The following CNBD1 variants were observed in gnomAD, a reference collection of about 807,000 sequenced individuals.
CNBD1 encodes the protein cyclic nucleotide binding domain containing 1.
CNBD1 carries 71 observed loss-of-function variants against 54.4 expected under a neutral mutation model. The ratio of observed to expected loss-of-function variants is 1.30; its 90% CI spans 1.08 to 1.59. The LOEUF (loss-of-function observed/expected upper bound fraction) is 1.59. CNBD1 is among the 40% of genes most tolerant of loss of function. The pLI is 0.00. For synonymous variants in CNBD1, 182 were observed against 170.7 expected, an observed-to-expected ratio of 1.07 and a Z score of -0.51; for missense variants, 659 against 518.0, an observed-to-expected ratio of 1.27 and a Z score of -2.64.
intron 4 of CNBD1, among the ~76,000 whole-genome samples, chr8:86,965,656 C>T (rs1341619760): frequency 6.6e-6 from 1 of 152,054 alleles, no homozygotes; most frequent in African/African-American, 2.4e-5. Context: ...GTTACGGGAT[C>T]TTTGGGGGGT....
At chr8:87,075,840 A>G (rs542642480) in intron 4 of CNBD1, among the ~76,000 whole-genome samples, 23 of 152,310 alleles carry the variant, frequency 1.5e-4, no homozygotes, top group Non-Finnish European at 2.9e-4. Flanking sequence ...TGAGGTGAGC[A>G]ATGGTGCCTA....
At position 87,378,405 on chromosome 8, in the gene CNBD1, T is replaced by C. The variant is rs894940052; in HGVS notation, c.1304-4215T>C. Among the ~76,000 whole-genome samples the C allele has an allele frequency of 1.3e-4, 20 of 150,642 alleles. 1 individual carries two copies. The highest frequency in any genetic ancestry group is 4.7e-4 in the African/African-American group (19 of 40,230). On this transcript the variant is annotated intron_variant, in intron 10 of 10. Transcript: ENST00000518476. ...AGTTTTCCCAGCACCATTTATTAAA[T>C]AGGGAATCCTTTCCCCATTTCTTGT...
intron 6 of CNBD1, among the ~76,000 whole-genome samples, chr8:87,242,190 A>T (rs1769088547): frequency 6.6e-6 from 1 of 152,190 alleles, no homozygotes. Context: ...GAAGTATTTT[A>T]CCCCAAAATA....
chr8:86,927,439 A>C (rs12676837), intron 3 of CNBD1, among the ~76,000 whole-genome samples: 2 of 151,714 alleles, frequency 1.3e-5, no homozygotes, highest in Admixed American at 6.6e-5. Context: ...CCTGAGAAGC[A>C]GACAAGCTGT....
intron 4 of CNBD1, among the ~76,000 whole-genome samples, chr8:87,022,648 T>C (rs1809514022): frequency 6.6e-6 from 1 of 152,196 alleles, no homozygotes; most frequent in Admixed American, 6.5e-5. Flanking sequence ...TCCAATTGCG[T>C]ACACATTTAT....
intron 1 of CNBD1, among the ~76,000 whole-genome samples, chr8:86,881,451 C>G (rs1037999674): frequency 9.9e-5 from 15 of 152,104 alleles, no homozygotes; most frequent in African/African-American, 3.6e-4. Context: ...CCTAGGAATA[C>G]AGCTAACAAG....
intron 10 of CNBD1, among the ~76,000 whole-genome samples, chr8:87,371,616 G>A (rs185776280): frequency 0.016 from 2,357 of 152,010 alleles, 60 homozygotes; most frequent in African/African-American, 0.051. Flanking sequence ...GAATCCAGCA[G>A]CACATCAAAA....
At chr8:87,354,794 C>T (rs111937196) in intron 10 of CNBD1, among the ~76,000 whole-genome samples, 3,760 of 152,146 alleles carry the variant, frequency 0.025, 153 homozygotes, top group African/African-American at 0.08. Flanking sequence ...ATTTTCTTAA[C>T]CCAGTCTATC....
At chr8:87,231,261 T>C (rs1464095567) in intron 5 of CNBD1, among the ~76,000 whole-genome samples, 1 of 152,166 alleles carries the variant, frequency 6.6e-6, no homozygotes, top group Non-Finnish European at 1.5e-5. Flanking sequence ...TAACTGAAAA[T>C]GTCACATGCT....
intron 4 of CNBD1, among the ~76,000 whole-genome samples, chr8:86,993,603 G>T (rs1405875226): frequency 6.6e-6 from 1 of 152,174 alleles, no homozygotes; most frequent in African/African-American, 2.4e-5. Context: ...TTACTGTGGT[G>T]TAATTTGAGT....
intron 4 of CNBD1, among the ~76,000 whole-genome samples, chr8:87,069,764 T>C (rs1226157727): frequency 6.6e-6 from 1 of 152,116 alleles, no homozygotes; most frequent in Admixed American, 6.6e-5. Context: ...TTCTGTAATT[T>C]AGCATTTTAG....
intron 8 of CNBD1, among the ~76,000 whole-genome samples, chr8:87,350,402 T>A (rs1371871099): frequency 1.3e-5 from 2 of 151,988 alleles, no homozygotes; most frequent in Non-Finnish European, 2.9e-5. Flanking sequence ...CTCATAATTA[T>A]GCCAACAAAA....
intron 2 of CNBD1, among the ~76,000 whole-genome samples, chr8:87,413,437 T>C (rs1807781352): frequency 6.6e-6 from 1 of 152,128 alleles, no homozygotes; most frequent in Admixed American, 6.6e-5. Flanking sequence ...TTTAATACTA[T>C]GACTCAATTA....
Position 87,371,087 on chromosome 8 carries a change from A to G in CNBD1, c.1304-11533A>G, listed in dbSNP as rs562468030. On this transcript the variant is annotated intron_variant, in intron 10 of 10. Coordinates refer to ENST00000518476, the MANE Select transcript of CNBD1 (RefSeq NM_173538.3). Reference sequence around the variant, plus strand: ...GCTGTGTTCTGTTCCATTGATCTATATCTCTGTTTTGGTACCAGTACCATG... The same window carrying G: ...GCTGTGTTCTGTTCCATTGATCTATGTCTCTGTTTTGGTACCAGTACCATG... Among the ~76,000 whole-genome samples the G allele has an allele frequency of 3.4e-3, 510 of 151,010 alleles. 8 individuals carry two copies. Among genetic ancestry groups the G allele is most frequent in the African/African-American group, 0.011 (441 of 40,738 alleles).
intron 6 of CNBD1, among the ~76,000 whole-genome samples, chr8:87,276,336 C>G (rs1206555443): frequency 6.6e-6 from 1 of 151,732 alleles, no homozygotes; most frequent in Admixed American, 6.6e-5. Flanking sequence ...GAGATTCAGG[C>G]TCTTGAGGAC....
At chr8:87,108,123 G>A (rs1379735720) in intron 4 of CNBD1, among the ~76,000 whole-genome samples, 5 of 152,088 alleles carry the variant, frequency 3.3e-5, no homozygotes, top group African/African-American at 1.2e-4. Context: ...GTTCCTGACA[G>A]CTGTATATCA....
intron 4 of CNBD1, among the ~76,000 whole-genome samples, chr8:87,034,598 T>A (rs776937692): frequency 6.6e-6 from 1 of 152,216 alleles, no homozygotes; most frequent in South Asian, 2.1e-4. Context: ...TAAGTTTTGG[T>A]AAATTTTAAC....
rs544046097 is a variant in CNBD1 at position 86,886,918 on chromosome 8, C to T, written c.89-624C>T. Among the ~76,000 whole-genome samples the T allele has an allele frequency of 3.9e-5, 6 of 152,170 alleles. 1 individual carries two copies. Among genetic ancestry groups the T allele is most frequent in the South Asian group, 4.1e-4 (2 of 4,820 alleles). Reference sequence around the variant, plus strand: ...CTTTCCATCTAATTTGAAGGATGTCCGCCCATTCTGGCACTGAAGAAGAAT... The same window carrying T: ...CTTTCCATCTAATTTGAAGGATGTCTGCCCATTCTGGCACTGAAGAAGAAT... On this transcript the variant is annotated intron_variant, in intron 1 of 10. Coordinates refer to ENST00000518476, the MANE Select transcript of CNBD1 (RefSeq NM_173538.3).
chr8:86,948,018 T>G (rs1028871933), intron 4 of CNBD1, among the ~76,000 whole-genome samples: 1 of 152,174 alleles, frequency 6.6e-6, no homozygotes, highest in Non-Finnish European at 1.5e-5. Context: ...GATGTTTGTC[T>G]TTCTGTGCCT....
Sources: allele counts gnomAD v4.1 joint callset (sites outside exome capture counted in the v4.1 genomes callset), GRCh38; gene constraint gnomAD v4.1.1; transcripts MANE v1.5; gene names NCBI Gene and HGNC (gene_info 2026-07-23, HGNC 2026-07-21).